Variants in ANAPC1 observed in about 807,000 individuals in gnomAD.
The protein encoded by ANAPC1 is anaphase-promoting complex subunit 1.
A neutral mutation model predicts 208.0 loss-of-function variants in ANAPC1; 36 were observed. The observed-to-expected ratio is 0.17, with a 90% confidence interval of 0.13 to 0.23. The LOEUF (loss-of-function observed/expected upper bound fraction) is 0.23. ANAPC1 is among the 10% of genes least tolerant of loss of function. ANAPC1 has a pLI of 1.00. For synonymous variants in ANAPC1, 378 were observed against 695.2 expected, an observed-to-expected ratio of 0.54 and a Z score of 7.18; for missense variants, 942 against 2,011.6, an observed-to-expected ratio of 0.47 and a Z score of 10.17.
At chr2:111,792,891 C>T (rs1379339571) in intron 37 of ANAPC1, among the ~76,000 whole-genome samples, 123 of 152,066 alleles carry the variant, frequency 8.1e-4, no homozygotes, top group Non-Finnish European at 1.5e-4. Flanking sequence ...GTGCGGAGCT[C>T]GCAGTGAGCC....
intron 46 of ANAPC1, 61 bp from the exon 47 acceptor site, chr2:111,772,536 A>C (rs1308844545): frequency 1.5e-6 from 1 of 670,216 alleles, no homozygotes; most frequent in African/African-American, 1.9e-5. Context: ...CACAAGAAAT[A>C]TCTTCTATTA....
At chr2:111,880,349 G>T in intron 2 of ANAPC1, 1 of 469,116 alleles carries the variant, frequency 2.1e-6, no homozygotes, top group Non-Finnish European at 2.8e-6. Flanking sequence ...TCCAGCCCGG[G>T]CAAAAAGAGC....
intron 34 of ANAPC1, among the ~76,000 whole-genome samples, chr2:111,795,370 A>G: frequency 6.7e-6 from 1 of 148,854 alleles, no homozygotes; most frequent in Non-Finnish European, 1.5e-5. Context: ...TGATAGAGTG[A>G]GACTCCATCT....
At chr2:111,882,413 C>A (rs1216756063) in intron 1 of ANAPC1, among the ~76,000 whole-genome samples, 2 of 151,970 alleles carry the variant, frequency 1.3e-5, no homozygotes, top group Non-Finnish European at 2.9e-5. Context: ...TCCAAAGCCA[C>A]AAAGTTATTT....
chr2:111,856,525 T>A, intron 13 of ANAPC1, 89 bp downstream of exon 13: 2 of 1,305,058 alleles, frequency 1.5e-6, no homozygotes, highest in South Asian at 2.6e-5. Flanking sequence ...CATAACAAAT[T>A]TAAAATATCA....
chr2:111,793,555 G>A (rs1450867542), intron 37 of ANAPC1, among the ~76,000 whole-genome samples: 6 of 150,038 alleles, frequency 4.0e-5, no homozygotes, highest in Admixed American at 6.7e-5. Context: ...CGTGATTTTG[G>A]TAGCTCCACT....
chr2:111,882,463 C>G (rs1325914490), intron 1 of ANAPC1, among the ~76,000 whole-genome samples: 1 of 152,070 alleles, frequency 6.6e-6, no homozygotes, highest in Non-Finnish European at 1.5e-5. Context: ...GGCACGATGG[C>G]TCACGCCTGC....
At chr2:111,773,459 AG>A (rs1676853017) in intron 46 of ANAPC1, among the ~76,000 whole-genome samples, 1 of 152,226 alleles carries the variant, frequency 6.6e-6, no homozygotes, top group South Asian at 2.1e-4. Context: ...CCTTACCTGC[AG>A]ACCTCTAATA....
intron 28 of ANAPC1, among the ~76,000 whole-genome samples, chr2:111,810,788 C>T (rs1281711612): frequency 1.4e-5 from 2 of 141,658 alleles, no homozygotes; most frequent in Non-Finnish European, 3.0e-5. Context: ...AAGGCTGAGG[C>T]AGGAGAATTG....
rs1249867421 is a variant in ANAPC1 at position 111,769,806 on chromosome 2, G to A, written c.5720-400C>T. Among the ~76,000 whole-genome samples, 15 of 141,580 alleles carry A rather than the reference G, an allele frequency of 1.1e-4. No homozygotes were observed. In the East Asian group the frequency reaches 1.4e-3, roughly 13 times the overall value. The allele number at this position is 141,580 out of a possible 152,430, so 92.9% of individuals were successfully genotyped here. On this transcript the variant is annotated intron_variant, in intron 47 of 47. Transcript: ENST00000341068. ...ACCCATTCTCCTGCCTCAGCCCCCC[G>A]AGTAGCTGGGACTACAGGTGCCCAC...
At chr2:111,785,498 G>C (rs780543847) in intron 39 of ANAPC1, 21 bp from the exon 40 acceptor site, 4 of 883,514 alleles carry the variant, frequency 4.5e-6, no homozygotes, top group Non-Finnish European at 7.4e-6. Context: ...AAAAGACAGA[G>C]AGTGGGTAAC....
chr2:111,832,535 C>T (rs1439421466), intron 20 of ANAPC1, among the ~76,000 whole-genome samples: 4 of 152,098 alleles, frequency 2.6e-5, no homozygotes, highest in African/African-American at 7.2e-5. Context: ...ACTGAGTTCT[C>T]AAAATGCGGC....
chr2:111,823,263 C>A (rs372721673), intron 24 of ANAPC1, among the ~76,000 whole-genome samples: 1 of 151,700 alleles, frequency 6.6e-6, no homozygotes, highest in African/African-American at 2.4e-5. Context: ...GTGATCCACC[C>A]GCCTCGGCCT....
chr2:111,790,681 A>G (rs1293494908), intron 38 of ANAPC1, among the ~76,000 whole-genome samples: 7 of 152,144 alleles, frequency 4.6e-5, no homozygotes, highest in Admixed American at 3.3e-4. Flanking sequence ...AACACAAAGA[A>G]GTAAAAACTA....
chr2:111,878,862 C>T lies in ANAPC1; in HGVS notation c.323G>A (p.Ser108Asn), dbSNP rs1023372836. 1 of 1,607,994 alleles carries T rather than the reference C, an allele frequency of 6.2e-7. No homozygotes were observed. Among genetic ancestry groups the T allele is most frequent in the Non-Finnish European group, 8.5e-7 (1 of 1,177,950 alleles). Residue 108 changes from serine to asparagine, a missense_variant, in exon 3 of 48, where the codon AGC (serine) becomes AAC (asparagine). Physicochemically the swap from Ser to Asn is conservative, Grantham distance 46. Coordinates refer to ENST00000341068, the MANE Select transcript of ANAPC1 (RefSeq NM_022662.4). ...NMVIWSKGSKSQALAVYKAFT... is the reference protein window; with the variant it reads ...NMVIWSKGSKNQALAVYKAFT... ...TGCTTTATAAACTGCCAATGCCTGG[C>T]TTTTACTTCCTTTGCTCCATATCAC...
chr2:111,789,148 A>T (rs1368590472), intron 38 of ANAPC1, among the ~76,000 whole-genome samples: 1 of 152,282 alleles, frequency 6.6e-6, no homozygotes, highest in Non-Finnish European at 1.5e-5. Flanking sequence ...AAAAAAAAAA[A>T]AAAGTTACAA....
chr2:111,848,212 T>C (rs994446238), intron 14 of ANAPC1, among the ~76,000 whole-genome samples: 1 of 151,914 alleles, frequency 6.6e-6, no homozygotes, highest in African/African-American at 2.4e-5. Flanking sequence ...AGAAAACAAC[T>C]AGAAAAGGTA....
rs906244257 is a variant in ANAPC1 at position 111,873,119 on chromosome 2, A to G, written c.528+189T>C. ...AGAAGACTTCCTAATTTACTTCACTAAATAACTTATTTTCTTGTGAAGTAC... is the reference window on the plus strand; with the variant it reads ...AGAAGACTTCCTAATTTACTTCACTGAATAACTTATTTTCTTGTGAAGTAC... On this transcript the variant is annotated intron_variant, in intron 5 of 47. Coordinates refer to ENST00000341068, the MANE Select transcript of ANAPC1 (RefSeq NM_022662.4). The G allele has an allele frequency of 6.2e-6, 4 of 649,096 alleles. No individual in the cohort carries two copies. In the African/African-American group the frequency reaches 7.3e-5, roughly 12 times the overall value. The allele number at this position is 649,096 out of a possible 1,614,324, so 40.2% of individuals were successfully genotyped here. A position where few individuals can be genotyped will look rare whatever the true frequency, so the allele number is the denominator to read the frequency against.
At chr2:111,794,933 T>A in intron 34 of ANAPC1, 39 bp from the exon 35 acceptor site, 1 of 860,626 alleles carries the variant, frequency 1.2e-6, no homozygotes, top group South Asian at 1.7e-5. Flanking sequence ...GATATCAATG[T>A]TCTCATTACA....
Sources: gnomAD v4.1 joint callset for allele counts (sites outside exome capture counted in the v4.1 genomes callset) on GRCh38, gnomAD v4.1.1 for gene constraint, MANE v1.5 for transcripts, NCBI Gene and HGNC (gene_info 2026-07-23, HGNC 2026-07-21) for gene names.